NAA50: variants seen among roughly 807,000 people sequenced by gnomAD.
NAA50 encodes the protein N-alpha-acetyltransferase 50.
Under a neutral mutation model 20.7 loss-of-function variants are expected in NAA50, and 7 were observed. That is an observed-to-expected ratio of 0.34 (90% CI 0.19 to 0.63). The LOEUF is 0.63. Ranked by LOEUF, NAA50 falls within the 30% of genes least tolerant of loss-of-function variation. NAA50 has a pLI of 0.75. For missense variants in NAA50, 111 were observed against 199.1 expected (o/e 0.56, Z 2.66); for synonymous variants, 54 against 70.6 (o/e 0.77, Z 1.18).
At chr3:113,731,143 GATAA>G (rs1708266722) in intron 1 of NAA50, among the ~76,000 whole-genome samples, 2 of 152,030 alleles carry the variant, frequency 1.3e-5, no homozygotes, top group African/African-American at 4.8e-5. Context: ...TATCATCTTT[GATAA>G]ATTAATTAGT....
At position 113,717,593 on chromosome 3, in the gene NAA50, T is replaced by C; in HGVS notation, c.*4167A>G. 6.6e-6 allele frequency: 1 copy of C among 152,194 alleles called. No individual in the cohort carries two copies. Among genetic ancestry groups the C allele is most frequent in the African/African-American group, 2.4e-5 (1 of 41,444 alleles). The allele number at this position is 152,194 out of a possible 1,614,324, so 9.4% of individuals were successfully genotyped here. The stretch of plus-strand genomic sequence containing the variant: ...GCAAGGGAGAACCAATTCAGGACAC[T>C]GCCATAGAAAATATTTACTCCCTGA... On this transcript the variant is annotated 3_prime_UTR_variant, in exon 5 of 5. Coordinates refer to ENST00000240922, the MANE Select transcript of NAA50 (RefSeq NM_025146.4).
intron 1 of NAA50, among the ~76,000 whole-genome samples, chr3:113,734,984 C>T (rs1280733713): frequency 6.6e-6 from 1 of 152,148 alleles, no homozygotes; most frequent in Non-Finnish European, 1.5e-5. Flanking sequence ...AAGGGAAATG[C>T]ACTTGGACTT....
At chr3:113,726,401 T>A (rs1210262011) in intron 1 of NAA50, among the ~76,000 whole-genome samples, 1 of 151,926 alleles carries the variant, frequency 6.6e-6, no homozygotes, top group East Asian at 1.9e-4. Flanking sequence ...GTAGATTACA[T>A]CTCATTCACA....
Position 113,746,021 on chromosome 3 carries a change from C to T in NAA50, c.-72G>A. ...CGTAGTCGCCGCCCTTAGGTCTCCGCACCCTTAGCTCGGGCCACTCAACCC... is the reference window on the plus strand; with the variant it reads ...CGTAGTCGCCGCCCTTAGGTCTCCGTACCCTTAGCTCGGGCCACTCAACCC... On this transcript the variant is annotated 5_prime_UTR_variant, in exon 1 of 5. Coordinates refer to ENST00000240922, the MANE Select transcript of NAA50 (RefSeq NM_025146.4). 1 of 1,589,930 alleles carries T rather than the reference C, an allele frequency of 6.3e-7. No individual in the cohort carries two copies. Among genetic ancestry groups the T allele is most frequent in the Non-Finnish European group, 8.5e-7 (1 of 1,172,148 alleles).
At position 113,725,609 on chromosome 3, in the gene NAA50, A is replaced by C. The variant is rs143864268; in HGVS notation, c.9-1514T>G. Among the ~76,000 whole-genome samples, 96 of 152,112 alleles carry C rather than the reference A, an allele frequency of 6.3e-4. No homozygotes were observed. The East Asian group carries it at 0.017, about 26-fold the overall frequency. On this transcript the variant is annotated intron_variant, in intron 1 of 4. Coordinates refer to ENST00000240922, the MANE Select transcript of NAA50 (RefSeq NM_025146.4). ...GCAAAACTTTGTAAGAAATTTTTTT[A>C]AAAAAACTTAACCAGGTGTGGTGGC...
chr3:113,742,745 A>G (rs1344242501), intron 1 of NAA50, among the ~76,000 whole-genome samples: 4 of 152,176 alleles, frequency 2.6e-5, no homozygotes, highest in Non-Finnish European at 4.4e-5. Flanking sequence ...ACATTGTTCC[A>G]TATTTATATT....
At chr3:113,741,901 G>A (rs2107995792) in intron 1 of NAA50, among the ~76,000 whole-genome samples, 2 of 152,274 alleles carry the variant, frequency 1.3e-5, no homozygotes, top group East Asian at 3.9e-4. Flanking sequence ...ACAGATAGAT[G>A]CAAACACTTG....
At chr3:113,736,185 T>C (rs1708339085) in intron 1 of NAA50, among the ~76,000 whole-genome samples, 1 of 152,204 alleles carries the variant, frequency 6.6e-6, no homozygotes, top group South Asian at 2.1e-4. Context: ...TACACTAAAT[T>C]ACTCTCTCAG....
At position 113,720,512 on chromosome 3, in the gene NAA50, G is replaced by A. The variant is rs1708121913; in HGVS notation, c.*1248C>T. 1 of 152,570 alleles carries A rather than the reference G, an allele frequency of 6.6e-6. No homozygotes were observed. Among genetic ancestry groups the A allele is most frequent in the Non-Finnish European group, 1.5e-5 (1 of 68,020 alleles). 9.5% of individuals were successfully genotyped at this position (152,570 alleles called of 1,614,324 possible). On this transcript the variant is annotated 3_prime_UTR_variant, in exon 5 of 5. Coordinates refer to ENST00000240922, the MANE Select transcript of NAA50 (RefSeq NM_025146.4). ...CTGGCATAAACCAGTCCTCTCAGTG[G>A]AGGAGGTCACAGTGACATTTGTATT...
At chr3:113,728,079 TAA>T (rs11429752) in intron 1 of NAA50, among the ~76,000 whole-genome samples, 13 of 140,660 alleles carry the variant, frequency 9.2e-5, no homozygotes, top group Admixed American at 1.4e-4. Flanking sequence ...AACACGGAGT[TAA>T]AAAAAAAAAA....
rs1303806995 is a variant in NAA50, at chr3:113,716,684, A to G, written c.*5076T>C. On this transcript the variant is annotated 3_prime_UTR_variant, in exon 5 of 5. Coordinates refer to ENST00000240922, the MANE Select transcript of NAA50 (RefSeq NM_025146.4). Reference sequence around the variant, plus strand: ...ATGTGCTTTAATTTATACTGCTTAGATCCTTTGAGTTCAGATGTCTTGAGT... The same window carrying G: ...ATGTGCTTTAATTTATACTGCTTAGGTCCTTTGAGTTCAGATGTCTTGAGT... The G allele has an allele frequency of 1.3e-5, 2 of 152,242 alleles. No individual in the cohort carries two copies. The highest frequency in any genetic ancestry group is 4.8e-5 in the African/African-American group (2 of 41,470). The allele number at this position is 152,242 out of a possible 1,614,324, so 9.4% of individuals were successfully genotyped here. A position where few individuals can be genotyped will look rare whatever the true frequency, so the allele number is the denominator to read the frequency against.
At chr3:113,732,301 G>A (rs1708282297) in intron 1 of NAA50, among the ~76,000 whole-genome samples, 1 of 152,212 alleles carries the variant, frequency 6.6e-6, no homozygotes, top group Non-Finnish European at 1.5e-5. Flanking sequence ...GAAGATGAAG[G>A]AAGAGCCAGG....
rs539843108 is a variant in NAA50 at position 113,723,856 on chromosome 3, TAAAC to T, written c.145+99_145+102del. On this transcript the variant is annotated intron_variant, in intron 2 of 4. Transcript: ENST00000240922. ...CACTCCCATTTCCTCACTTATAAAA[TAAAC>T]AAACTAAATTAGTTAACTTCTTCTG... is the stretch of plus-strand genomic sequence containing the variant. 8.7e-5 allele frequency: 113 copies of T among 1,295,052 alleles called. 2 individuals carry two copies. The South Asian group carries it at 1.3e-3, about 15-fold the overall frequency. The allele number at this position is 1,295,052 out of a possible 1,614,324, so 80.2% of individuals were successfully genotyped here.
chr3:113,725,953 C>T (rs1708193564), intron 1 of NAA50, among the ~76,000 whole-genome samples: 1 of 152,002 alleles, frequency 6.6e-6, no homozygotes, highest in Admixed American at 6.6e-5. Context: ...AGACTTTTAC[C>T]CCCTATTTAA....
intron 1 of NAA50, among the ~76,000 whole-genome samples, chr3:113,731,609 G>A (rs1032538438): frequency 6.6e-6 from 1 of 151,998 alleles, no homozygotes; most frequent in Non-Finnish European, 1.5e-5. Context: ...AATTCCTTAG[G>A]TGCATCCGCA....
At chr3:113,737,797 T>C (rs562197177) in intron 1 of NAA50, among the ~76,000 whole-genome samples, 1 of 152,242 alleles carries the variant, frequency 6.6e-6, no homozygotes, top group Admixed American at 6.5e-5. Flanking sequence ...AGAACTCTCC[T>C]ACATCCTGTT....
In NAA50 at chr3:113,720,037, T is replaced by C. The variant is rs1242164845; in HGVS notation, c.*1723A>G. On this transcript the variant is annotated 3_prime_UTR_variant, in exon 5 of 5. Coordinates refer to ENST00000240922, the MANE Select transcript of NAA50 (RefSeq NM_025146.4). Reference sequence around the variant, plus strand: ...AGATTTGGATTGTTTAAGAAACGAATACCCCCAAAAAACCAGCAAGGTCTT... The same window carrying C: ...AGATTTGGATTGTTTAAGAAACGAACACCCCCAAAAAACCAGCAAGGTCTT... The C allele has an allele frequency of 6.6e-6, 1 of 152,628 alleles. No individual in the cohort carries two copies. The highest frequency in any genetic ancestry group is 1.5e-5 in the Non-Finnish European group (1 of 68,002). The allele number at this position is 152,628 out of a possible 1,614,324, so 9.5% of individuals were successfully genotyped here.
At chr3:113,725,139 G>GT (rs1263257589) in intron 1 of NAA50, among the ~76,000 whole-genome samples, 1 of 152,166 alleles carries the variant, frequency 6.6e-6, no homozygotes, top group Non-Finnish European at 1.5e-5. Flanking sequence ...TTCTAACAAA[G>GT]TATCAAAGGT....
In NAA50 at chr3:113,723,690, T is replaced by A. The variant is rs149113639; in HGVS notation, c.146-149A>T. On this transcript the variant is annotated intron_variant, in intron 2 of 4. Transcript: ENST00000240922. ...CAATGATCTCAAAGCTCTTATGCCA[T>A]CTTAGGAAGTTTAAGCCTCCTCTAG... 7 of 1,037,354 alleles carry A rather than the reference T, an allele frequency of 6.7e-6. No homozygotes were observed. In the East Asian group the frequency reaches 1.8e-4, roughly 27 times the overall value. 64.3% of individuals were successfully genotyped at this position (1,037,354 alleles called of 1,614,324 possible).
Sources: gnomAD v4.1 joint callset for allele counts (sites outside exome capture counted in the v4.1 genomes callset) on GRCh38, gnomAD v4.1.1 for gene constraint, MANE v1.5 for transcripts, NCBI Gene and HGNC (gene_info 2026-07-23, HGNC 2026-07-21) for gene names.